Variants in DMXL1 observed in about 807,000 individuals in gnomAD.
DMXL1 encodes dmX-like protein 1.
Under a neutral mutation model 319.2 loss-of-function variants are expected in DMXL1, and 99 were observed. That is an observed-to-expected ratio of 0.31 (90% CI 0.26 to 0.37). The LOEUF is 0.37. DMXL1 is among the 10% of genes least tolerant of loss of function. The probability of loss-of-function intolerance (pLI) is 1.00; values close to 1 mark genes in which losing one functional copy is unlikely to be tolerated. For missense variants in DMXL1, 3,745 were observed against 3,595.6 expected (o/e 1.04, Z -1.06); for synonymous variants, 1,385 against 1,235.2 (o/e 1.12, Z -2.54).
At chr5:119,172,091 G>A (rs1774689146) in intron 25 of DMXL1, 122 bp downstream of exon 25, 2 of 881,304 alleles carry the variant, frequency 2.3e-6, no homozygotes, top group Admixed American at 3.0e-5. Context: ...TTGTTACATT[G>A]CCAAGTTTAT....
intron 2 of DMXL1, 24 bp from the exon 3 acceptor site, chr5:119,101,910 TA>T: frequency 6.7e-7 from 1 of 1,502,756 alleles, no homozygotes; most frequent in South Asian, 1.2e-5. Flanking sequence ...ATATCCCTAA[TA>T]AATTCTTTTT....
At chr5:119,132,301 GTAT>G (rs1242866112) in intron 10 of DMXL1, among the ~76,000 whole-genome samples, 2 of 152,182 alleles carry the variant, frequency 1.3e-5, no homozygotes, top group African/African-American at 2.4e-5. Context: ...TTTAATAAAA[GTAT>G]TATTGTCATC....
chr5:119,111,817 A>G (rs952205802), intron 5 of DMXL1, among the ~76,000 whole-genome samples: 21 of 151,240 alleles, frequency 1.4e-4, no homozygotes, highest in Non-Finnish European at 3.0e-5. Flanking sequence ...GATATAGCAC[A>G]TATTAAAAAT....
chr5:119,232,872 G>A (rs1057057445), intron 38 of DMXL1, among the ~76,000 whole-genome samples: 2 of 151,372 alleles, frequency 1.3e-5, no homozygotes, highest in South Asian at 2.1e-4. Flanking sequence ...TGAGATATTA[G>A]GCCAATCAGG....
chr5:119,073,093 C>T (rs910620703), intron 1 of DMXL1, among the ~76,000 whole-genome samples: 1 of 152,210 alleles, frequency 6.6e-6, no homozygotes, highest in East Asian at 1.9e-4. Context: ...AATGAGGTCT[C>T]CCTCTGTCAC....
At chr5:119,099,192 TG>T (rs1756676162) in intron 2 of DMXL1, among the ~76,000 whole-genome samples, 5 of 41,166 alleles carry the variant, frequency 1.2e-4, no homozygotes, top group South Asian at 1.1e-3. Context: ...TTTTGTTTTT[TG>T]TTTGTTTTTG....
chr5:119,239,966 A>T (rs1050501400), intron 41 of DMXL1, among the ~76,000 whole-genome samples: 10 of 151,146 alleles, frequency 6.6e-5, no homozygotes, highest in African/African-American at 2.4e-4. Flanking sequence ...TCTCAAAAAA[A>T]AAAAAAAACA....
chr5:119,133,622 T>G lies in DMXL1; in HGVS notation c.1698T>G (p.Pro566=). Residue 566 remains proline, a synonymous_variant, in exon 12 of 44, where the codon CCT becomes CCG. Coordinates refer to ENST00000539542, the MANE Select transcript of DMXL1 (RefSeq NM_001290321.3). ...DLAIQQGKQK[P]SGLTRSTSML... ...CTATTCAGCAGGGGAAACAAAAACC[T>G]TCTGGCCTCACCCGTTCCACATCAA... The G allele has an allele frequency of 6.2e-7, 1 of 1,614,202 alleles. No homozygotes were observed. The highest frequency in any genetic ancestry group is 1.1e-5 in the South Asian group (1 of 91,082).
At position 119,149,439 on chromosome 5, in the gene DMXL1, C is replaced by T. The variant is rs1402164395; in HGVS notation, c.3612C>T (p.Asp1204=). The part of the protein sequence containing the change: ...LSKFVLLRSV[D]LVSSVDGSPP... ...AATTTGTACTATTACGAAGTGTGGA[C>T]CTAGTTTCTTCTGTAGATGGCTCCC... The change falls in exon 18 of 44, where the codon GAC becomes GAT. Residue 1204 remains aspartate (D), a synonymous_variant. Transcript: ENST00000539542. The T allele has an allele frequency of 1.1e-5, 18 of 1,613,786 alleles. No homozygotes were observed. The East Asian group carries it at 4.0e-4, about 36-fold the overall frequency.
chr5:119,204,797 C>T (rs1368155489), intron 33 of DMXL1, among the ~76,000 whole-genome samples: 1 of 152,084 alleles, frequency 6.6e-6, no homozygotes, highest in African/African-American at 2.4e-5. Flanking sequence ...TGAAAGCAAG[C>T]TTTGTACAGT....
chr5:119,155,888 A>G (rs185842591), intron 19 of DMXL1, among the ~76,000 whole-genome samples: 92 of 152,150 alleles, frequency 6.0e-4, no homozygotes, highest in Middle Eastern at 3.4e-3. Context: ...AGGATGAGCA[A>G]TGAATGTGGT....
intron 40 of DMXL1, among the ~76,000 whole-genome samples, chr5:119,238,641 G>T (rs1788187408): frequency 6.6e-6 from 1 of 152,046 alleles, no homozygotes; most frequent in Non-Finnish European, 1.5e-5. Flanking sequence ...GTTTTCCTTT[G>T]AACTTTTGGT....
intron 9 of DMXL1, among the ~76,000 whole-genome samples, chr5:119,121,690 C>G (rs548379768): frequency 6.6e-6 from 1 of 152,358 alleles, no homozygotes; most frequent in South Asian, 2.1e-4. Flanking sequence ...TCTCTCTACA[C>G]AGACACGGCA....
rs781271190 is a variant in DMXL1, at chr5:119,098,096, C to G, written c.205C>G (p.Gln69Glu). The G allele has an allele frequency of 8.8e-6, 14 of 1,597,252 alleles. No homozygotes were observed. The highest frequency in any genetic ancestry group is 1.2e-5 in the Non-Finnish European group (14 of 1,175,300). The stretch of plus-strand genomic sequence containing the variant: ...GGGATGTGTAGACTGTTCAATGCAA[C>G]AAGGCAAGGTTTGTAATCTTCTTCT... Reference protein sequence around the residue: ...QVGCVDCSMQQGKIAASYGNV... With the variant: ...QVGCVDCSMQEGKIAASYGNV... Residue 69 changes from glutamine (Q) to glutamate (E), a missense_variant, in exon 2 of 44, where the codon CAA becomes GAA. Gln to Glu is a conservative substitution (Grantham distance 29, BLOSUM62 2). This residue lies in a region of DMXL1 where 2,096 missense variants were observed against 1,985.4 expected (regional missense o/e 1.06). Transcript: ENST00000539542.
At chr5:119,099,769 A>G (rs1285909571) in intron 2 of DMXL1, among the ~76,000 whole-genome samples, 2 of 152,166 alleles carry the variant, frequency 1.3e-5, no homozygotes, top group Non-Finnish European at 2.9e-5. Context: ...TAGGAGGGTC[A>G]AGGTGGGCAA....
intron 35 of DMXL1, 54 bp downstream of exon 35, chr5:119,217,041 A>G: frequency 9.5e-7 from 1 of 1,056,860 alleles, no homozygotes. Flanking sequence ...GTTGGATAAT[A>G]TCTTCTGTTT....
intron 33 of DMXL1, among the ~76,000 whole-genome samples, chr5:119,205,136 ATTTG>A (rs1781524151): frequency 6.6e-6 from 1 of 152,108 alleles, no homozygotes; most frequent in Non-Finnish European, 1.5e-5. Flanking sequence ...AATGTATTTC[ATTTG>A]TTTATTTGAT....
intron 10 of DMXL1, among the ~76,000 whole-genome samples, chr5:119,129,922 G>A (rs10037191): frequency 0.07 from 10,654 of 152,190 alleles, 435 homozygotes; most frequent in Middle Eastern, 0.12. Context: ...CTTGATTGAC[G>A]CATATCACTT....
At chr5:119,230,882 A>AAAAT (rs534047499) in intron 38 of DMXL1, among the ~76,000 whole-genome samples, 58 of 152,234 alleles carry the variant, frequency 3.8e-4, no homozygotes, top group East Asian at 1.3e-3. Context: ...ACTCCGTCTC[A>AAAAT]AAATAAATAA....
Sources: allele counts gnomAD v4.1 joint callset (sites outside exome capture counted in the v4.1 genomes callset), GRCh38; gene constraint gnomAD v4.1.1; regional missense constraint gnomAD v4.1.1; transcripts MANE v1.5; gene names NCBI Gene and HGNC (gene_info 2026-07-23, HGNC 2026-07-21).